Variants in PCCA observed in about 807,000 individuals in gnomAD.
PCCA encodes the protein propionyl-CoA carboxylase alpha chain, mitochondrial.
Under a neutral mutation model 101.3 loss-of-function variants are expected in PCCA, and 74 were observed. That is an observed-to-expected ratio of 0.73 (90% CI 0.61 to 0.89). The LOEUF is 0.89. Among genes scored for constraint, PCCA ranks in the 40% least tolerant of loss-of-function variants. The probability of loss-of-function intolerance (pLI) is 0.00; values close to 1 mark genes in which losing one functional copy is unlikely to be tolerated. For missense variants in PCCA, 891 were observed against 907.0 expected, an observed-to-expected ratio of 0.98 and a Z score of 0.23; for synonymous variants, 294 against 313.6, an observed-to-expected ratio of 0.94 and a Z score of 0.66.
intron 19 of PCCA, among the ~76,000 whole-genome samples, chr13:100,424,685 A>C (rs1253306363): frequency 6.6e-6 from 1 of 152,148 alleles, no homozygotes; most frequent in Non-Finnish European, 1.5e-5. Flanking sequence ...CCTATCCCCA[A>C]GGGTCCAGCA....
intron 19 of PCCA, among the ~76,000 whole-genome samples, chr13:100,405,953 G>C (rs544118007): frequency 6.6e-6 from 1 of 152,058 alleles, no homozygotes; most frequent in African/African-American, 2.4e-5. Context: ...TTTTAGTAGA[G>C]ACAAGATTTC....
Position 100,155,078 on chromosome 13 carries a change from A to T in PCCA, c.400A>T (p.Thr134Ser). Residue 134 changes from threonine (T) to serine (S), a missense_variant, in exon 5 of 24, where the codon ACC (threonine) becomes TCC (serine). Coordinates refer to ENST00000376285, the MANE Select transcript of PCCA (RefSeq NM_000282.4). ...MDAIMEAIKK[T>S]RAQAVHPGYG... The stretch of plus-strand genomic sequence containing the variant: ...TGCCATCATGGAAGCCATTAAGAAA[A>T]CCAGGGCCCAAGCTGTGAGTCTGAA... 1 of 1,611,476 alleles carries T rather than the reference A, an allele frequency of 6.2e-7. No homozygotes were observed. Among genetic ancestry groups the T allele is most frequent in the Non-Finnish European group, 8.5e-7 (1 of 1,177,616 alleles).
intron 8 of PCCA, among the ~76,000 whole-genome samples, chr13:100,243,999 A>C (rs569385907): frequency 1.3e-5 from 2 of 152,258 alleles, no homozygotes; most frequent in African/African-American, 4.8e-5. Flanking sequence ...AGCTTAGAAA[A>C]ATTTTCACAT....
intron 19 of PCCA, among the ~76,000 whole-genome samples, chr13:100,417,875 C>G (rs1265682292): frequency 1.3e-5 from 2 of 152,132 alleles, no homozygotes; most frequent in Non-Finnish European, 2.9e-5. Context: ...TTACTTTCCT[C>G]CTTGTGTCAT....
At chr13:100,314,415 A>C (rs2067169404) in intron 16 of PCCA, among the ~76,000 whole-genome samples, 1 of 152,060 alleles carries the variant, frequency 6.6e-6, no homozygotes, top group African/African-American at 2.4e-5. Flanking sequence ...GATTGATCCT[A>C]TCAATCTGCC....
rs950229290 is a variant in PCCA at position 100,215,040 on chromosome 13, G to A, written c.600+5577G>A. 5.3e-5 allele frequency among the ~76,000 whole-genome samples: 8 copies of A among 152,010 alleles called. No homozygotes were observed. The East Asian group carries it at 7.7e-4, about 15-fold the overall frequency. Reference sequence around the variant, plus strand: ...TCTATCCTTTGCATTGTATGTATCCGCCATACTTGACATCGTTCAGATTCT... The same window carrying A: ...TCTATCCTTTGCATTGTATGTATCCACCATACTTGACATCGTTCAGATTCT... On this transcript the variant is annotated intron_variant, in intron 7 of 23. Coordinates refer to ENST00000376285, the MANE Select transcript of PCCA (RefSeq NM_000282.4).
At chr13:100,338,035 C>G (rs957269058) in intron 17 of PCCA, among the ~76,000 whole-genome samples, 3 of 152,194 alleles carry the variant, frequency 2.0e-5, no homozygotes, top group African/African-American at 7.2e-5. Context: ...CAGTCCAGAA[C>G]AGTTGTATTC....
At chr13:100,105,446 C>T (rs2047663074) in intron 2 of PCCA, among the ~76,000 whole-genome samples, 1 of 152,048 alleles carries the variant, frequency 6.6e-6, no homozygotes. Context: ...GAAGAGGACA[C>T]ATTATAGAGG....
chr13:100,165,360 T>C (rs903950446), intron 6 of PCCA, among the ~76,000 whole-genome samples: 2 of 152,226 alleles, frequency 1.3e-5, no homozygotes, highest in African/African-American at 4.8e-5. Flanking sequence ...AGTTGACTCA[T>C]TGGATATTTG....
intron 1 of PCCA, among the ~76,000 whole-genome samples, chr13:100,096,375 CAT>C (rs1488021982): frequency 1.3e-5 from 2 of 152,130 alleles, no homozygotes; most frequent in African/African-American, 4.8e-5. Flanking sequence ...GTTGGAGAAA[CAT>C]AATTGATAAA....
At chr13:100,223,808 A>C (rs1295878214) in intron 7 of PCCA, among the ~76,000 whole-genome samples, 2 of 152,186 alleles carry the variant, frequency 1.3e-5, no homozygotes, top group Non-Finnish European at 2.9e-5. Flanking sequence ...AGCTAGATAC[A>C]GAGTGTCAAC....
At chr13:100,153,158 T>A (rs1473569274) in intron 4 of PCCA, among the ~76,000 whole-genome samples, 6 of 152,214 alleles carry the variant, frequency 3.9e-5, no homozygotes, top group African/African-American at 1.2e-4. Context: ...TTAAGCAAGC[T>A]GCTATCCAAG....
chr13:100,220,186 T>C (rs747632428), intron 7 of PCCA, among the ~76,000 whole-genome samples: 1 of 152,116 alleles, frequency 6.6e-6, no homozygotes, highest in Non-Finnish European at 1.5e-5. Flanking sequence ...TGAATTAGAG[T>C]TACCTGTTTT....
chr13:100,518,306 T>C (rs919772128), intron 22 of PCCA, among the ~76,000 whole-genome samples: 6 of 152,256 alleles, frequency 3.9e-5, no homozygotes, highest in Non-Finnish European at 5.9e-5. Context: ...TGAACAAATC[T>C]GTTTTGTGAA....
chr13:100,220,283 A>G (rs2059746458), intron 7 of PCCA, among the ~76,000 whole-genome samples: 1 of 152,090 alleles, frequency 6.6e-6, no homozygotes, highest in East Asian at 1.9e-4. Flanking sequence ...TTTTGAGACA[A>G]GAGTCTCTTT....
At chr13:100,232,268 G>T (rs919748496) in intron 7 of PCCA, among the ~76,000 whole-genome samples, 40 of 151,880 alleles carry the variant, frequency 2.6e-4, no homozygotes, top group Non-Finnish European at 4.7e-4. Flanking sequence ...ATTTTTATAT[G>T]TGTGGTTCCC....
chr13:100,425,409 C>T (rs2079072416), intron 19 of PCCA, among the ~76,000 whole-genome samples: 1 of 152,216 alleles, frequency 6.6e-6, no homozygotes, highest in East Asian at 1.9e-4. Context: ...TCACTTGAAG[C>T]CTCAGTACCC....
intron 10 of PCCA, among the ~76,000 whole-genome samples, chr13:100,267,314 A>G (rs1410685947): frequency 6.6e-6 from 1 of 152,182 alleles, no homozygotes; most frequent in African/African-American, 2.4e-5. Flanking sequence ...AGAAAATTCC[A>G]GCTTATTGGC....
intron 22 of PCCA, among the ~76,000 whole-genome samples, chr13:100,519,483 G>A (rs1203294613): frequency 6.6e-6 from 1 of 152,250 alleles, no homozygotes; most frequent in Non-Finnish European, 1.5e-5. Flanking sequence ...ACTGTACAGT[G>A]TGCCAGGGAA....
Sources: gnomAD v4.1 joint callset for allele counts (sites outside exome capture counted in the v4.1 genomes callset) on GRCh38, gnomAD v4.1.1 for gene constraint, MANE v1.5 for transcripts, NCBI Gene and HGNC (gene_info 2026-07-23, HGNC 2026-07-21) for gene names.